Variants in TBC1D19 observed in about 807,000 individuals in gnomAD.
TBC1D19 encodes TBC1 domain family, member 19.
Under a neutral mutation model 89.0 loss-of-function variants are expected in TBC1D19, and 60 were observed. That is an observed-to-expected ratio of 0.67 (90% confidence interval 0.55 to 0.84). TBC1D19 has a LOEUF of 0.84. Ranked by LOEUF, TBC1D19 falls within the 40% of genes least tolerant of loss-of-function variation. The pLI is 0.00. For synonymous variants in TBC1D19, 189 were observed against 199.7 expected, an observed-to-expected ratio of 0.95 and a Z score of 0.45; for missense variants, 500 against 610.8, an observed-to-expected ratio of 0.82 and a Z score of 1.91.
chr4:26,644,911 T>G (rs1743810485), intron 7 of TBC1D19, among the ~76,000 whole-genome samples: 1 of 151,908 alleles, frequency 6.6e-6, no homozygotes, highest in Non-Finnish European at 1.5e-5. Flanking sequence ...CACTGTTCAA[T>G]GAAATAAAAG....
rs369803771 is a variant in TBC1D19 at position 26,720,145 on chromosome 4, T to C, written c.1084+20T>C. On this transcript the variant is annotated intron_variant, in intron 15 of 20. Coordinates refer to ENST00000264866, the MANE Select transcript of TBC1D19 (RefSeq NM_018317.4). ...CAAATGGTAAGAGTAATGCTATTGC[T>C]TCCTCTAGTGGGAAGTGAAAAAATT... is the stretch of plus-strand genomic sequence containing the variant. 6.3e-7 allele frequency: 1 copy of C among 1,574,982 alleles called. No homozygotes were observed. Among genetic ancestry groups the C allele is most frequent in the Non-Finnish European group, 8.6e-7 (1 of 1,160,576 alleles).
At chr4:26,729,212 C>T (rs973989225) in intron 15 of TBC1D19, among the ~76,000 whole-genome samples, 2 of 152,178 alleles carry the variant, frequency 1.3e-5, no homozygotes, top group African/African-American at 4.8e-5. Flanking sequence ...GGTTTGATGA[C>T]GTTCCTAAGG....
At chr4:26,696,505 G>C (rs937377848) in intron 13 of TBC1D19, among the ~76,000 whole-genome samples, 7 of 152,160 alleles carry the variant, frequency 4.6e-5, no homozygotes, top group Non-Finnish European at 8.8e-5. Flanking sequence ...GCATCAAGCA[G>C]ACCTAACAGA....
chr4:26,779,099 A>G, the TBC1D19 span, among the ~76,000 whole-genome samples: 5 of 152,292 alleles, frequency 3.3e-5, no homozygotes, highest in South Asian at 8.3e-4. Flanking sequence ...TCATCTTCAC[A>G]TGCTGATTCA....
At chr4:26,787,799 T>C in the TBC1D19 span, among the ~76,000 whole-genome samples, 2 of 152,182 alleles carry the variant, frequency 1.3e-5, no homozygotes, top group Admixed American at 6.5e-5. Flanking sequence ...CGGACTTCCT[T>C]TGAACTTGGA....
chr4:26,613,807 G>T, intron 2 of TBC1D19, among the ~76,000 whole-genome samples: 1 of 151,996 alleles, frequency 6.6e-6, no homozygotes, highest in South Asian at 2.1e-4. Context: ...TTCCTTGTAT[G>T]CTTTCACAGA....
chr4:26,596,612 C>T (rs1190472806), intron 1 of TBC1D19, among the ~76,000 whole-genome samples: 5 of 82,224 alleles, frequency 6.1e-5, no homozygotes, highest in Non-Finnish European at 9.5e-5. Context: ...TATTACTTTC[C>T]TCCTGTTTTT....
chr4:26,790,513 A>C, the TBC1D19 span, among the ~76,000 whole-genome samples: 3 of 152,316 alleles, frequency 2.0e-5, no homozygotes, highest in East Asian at 5.8e-4. Flanking sequence ...GATGAGCTAT[A>C]ACCATGATTG....
chr4:26,708,266 CT>C (rs1218326613), intron 13 of TBC1D19, among the ~76,000 whole-genome samples: 3 of 151,902 alleles, frequency 2.0e-5, no homozygotes, highest in Non-Finnish European at 4.4e-5. Context: ...TGGCTTTTTT[CT>C]TTTACCACAT....
chr4:26,679,890 G>C (rs867977520), intron 11 of TBC1D19, among the ~76,000 whole-genome samples: 1 of 152,328 alleles, frequency 6.6e-6, no homozygotes, highest in South Asian at 2.1e-4. Flanking sequence ...GGCCAGGGTA[G>C]AATGATATCA....
At chr4:26,598,991 T>A (rs1039356509) in intron 1 of TBC1D19, among the ~76,000 whole-genome samples, 3 of 151,288 alleles carry the variant, frequency 2.0e-5, no homozygotes, top group Non-Finnish European at 4.4e-5. Flanking sequence ...AAAGCAGGAG[T>A]CTGGCGATGA....
rs1297468017 is a variant in TBC1D19, at chr4:26,696,398, C to T, written c.954+7991C>T. On this transcript the variant is annotated intron_variant, in intron 13 of 20. Coordinates refer to ENST00000264866, the MANE Select transcript of TBC1D19 (RefSeq NM_018317.4). ...CTACAAAGAGACTTAGACTCCCTCA[C>T]GATAATAATGGGAGACTTTAACACC... Among the ~76,000 whole-genome samples, 6 of 152,288 alleles carry T rather than the reference C, an allele frequency of 3.9e-5. No homozygotes were observed. The East Asian group carries it at 7.7e-4, about 20-fold the overall frequency.
the TBC1D19 span, among the ~76,000 whole-genome samples, chr4:26,765,860 G>A: frequency 1.3e-5 from 2 of 151,996 alleles, no homozygotes; most frequent in African/African-American, 2.4e-5. Flanking sequence ...TACTTACTTC[G>A]GGCATGGGGA....
intron 1 of TBC1D19, among the ~76,000 whole-genome samples, chr4:26,590,079 T>C (rs1277634965): frequency 6.6e-6 from 1 of 152,238 alleles, no homozygotes; most frequent in South Asian, 2.1e-4. Context: ...TTGTCTATGA[T>C]AGTTAACATT....
chr4:26,639,954 G>C (rs939902174), intron 6 of TBC1D19, among the ~76,000 whole-genome samples, 187 bp from the exon 7 acceptor site: 4 of 152,102 alleles, frequency 2.6e-5, no homozygotes, highest in Non-Finnish European at 5.9e-5. Context: ...ATGTCATCTA[G>C]GATGTTAAGG....
intron 1 of TBC1D19, among the ~76,000 whole-genome samples, chr4:26,594,834 G>A (rs1403302758): frequency 6.6e-6 from 1 of 152,142 alleles, no homozygotes; most frequent in Non-Finnish European, 1.5e-5. Context: ...CGCTACAACT[G>A]CACTCCAGCC....
At chr4:26,594,958 A>G (rs1740110923) in intron 1 of TBC1D19, among the ~76,000 whole-genome samples, 1 of 152,228 alleles carries the variant, frequency 6.6e-6, no homozygotes, top group Non-Finnish European at 1.5e-5. Context: ...GGTAAATACC[A>G]AAGAGTGAAA....
the TBC1D19 span, among the ~76,000 whole-genome samples, chr4:26,836,964 G>T: frequency 6.6e-6 from 1 of 152,190 alleles, no homozygotes; most frequent in Non-Finnish European, 1.5e-5. Context: ...AACATCTAGA[G>T]TGGGAGTCTA....
At chr4:26,773,739 C>T in the TBC1D19 span, among the ~76,000 whole-genome samples, 7 of 152,192 alleles carry the variant, frequency 4.6e-5, no homozygotes, top group Admixed American at 2.6e-4. Flanking sequence ...CCCCATTCCT[C>T]GTTTTTGTCA....
Sources: gnomAD v4.1 joint callset for allele counts (sites outside exome capture counted in the v4.1 genomes callset) on GRCh38, gnomAD v4.1.1 for gene constraint, MANE v1.5 for transcripts, NCBI Gene and HGNC (gene_info 2026-07-23, HGNC 2026-07-21) for gene names.